ZFHX3: variants seen among roughly 807,000 people sequenced by gnomAD.
ZFHX3 encodes the protein zinc finger homeobox protein 3.
A neutral mutation model predicts 279.1 loss-of-function variants in ZFHX3; 42 were observed. That is an observed-to-expected ratio of 0.15 (90% CI 0.12 to 0.19). ZFHX3 has a LOEUF of 0.19. ZFHX3 is among the 10% of genes least tolerant of loss of function. The pLI, the probability that ZFHX3 is intolerant of heterozygous loss-of-function variation, is 1.00. For synonymous variants in ZFHX3, 2,293 were observed against 1,957.8 expected (o/e 1.17, Z -4.52); for missense variants, 4,981 against 4,754.0 (o/e 1.05, Z -1.40).
intron 5 of ZFHX3, among the ~76,000 whole-genome samples, chr16:73,186,657 G>A (rs950722877): frequency 6.6e-6 from 1 of 151,448 alleles, no homozygotes; most frequent in African/African-American, 2.4e-5. Flanking sequence ...TTTTAATGGG[G>A]GTCGCATTTC....
At chr16:72,884,377 C>G (rs951741924) in intron 4 of ZFHX3, among the ~76,000 whole-genome samples, 1 of 152,182 alleles carries the variant, frequency 6.6e-6, no homozygotes, top group South Asian at 2.1e-4. Flanking sequence ...TCTGAATGAT[C>G]GTGCACCCTC....
intron 5 of ZFHX3, among the ~76,000 whole-genome samples, chr16:73,168,211 T>TTTTCTTTGTTTC (rs1555502324): frequency 1.1e-5 from 1 of 95,222 alleles, no homozygotes; most frequent in Admixed American, 1.2e-4. Flanking sequence ...GTTTCTTTTG[T>TTTTCTTTGTTTC]TTTCTTTCTT....
chr16:72,915,151 C>T (rs1010736903), intron 3 of ZFHX3, among the ~76,000 whole-genome samples: 4 of 152,200 alleles, frequency 2.6e-5, no homozygotes. Flanking sequence ...TACCTGCACA[C>T]CCGCCCCACA....
chr16:73,147,002 C>T (rs1271131770), intron 5 of ZFHX3, among the ~76,000 whole-genome samples: 4 of 152,160 alleles, frequency 2.6e-5, no homozygotes, highest in Non-Finnish European at 4.4e-5. Context: ...AGTAGTAAAA[C>T]ATCCTAGGGA....
chr16:73,509,816 C>T (rs1279950154), intron 2 of ZFHX3, among the ~76,000 whole-genome samples: 2 of 151,906 alleles, frequency 1.3e-5, no homozygotes, highest in Non-Finnish European at 2.9e-5. Context: ...CTGCCTCAGC[C>T]TCCCGAGTAG....
At chr16:73,509,301 C>T (rs2019381337) in intron 2 of ZFHX3, among the ~76,000 whole-genome samples, 1 of 152,146 alleles carries the variant, frequency 6.6e-6, no homozygotes. Flanking sequence ...CTACCATGTA[C>T]CCGGTTCTCA....
At chr16:73,862,012 C>A (rs1961893246) in intron 1 of ZFHX3, among the ~76,000 whole-genome samples, 1 of 152,184 alleles carries the variant, frequency 6.6e-6, no homozygotes, top group Admixed American at 6.5e-5. Flanking sequence ...AACTACCCAC[C>A]TTCCCAAGGA....
intron 1 of ZFHX3, among the ~76,000 whole-genome samples, chr16:73,041,941 G>T (rs1265724156): frequency 6.6e-6 from 1 of 152,188 alleles, no homozygotes; most frequent in Non-Finnish European, 1.5e-5. Flanking sequence ...AGAAAAAAGA[G>T]AAGTTGGGAG....
intron 5 of ZFHX3, among the ~76,000 whole-genome samples, chr16:73,238,763 C>G (rs1418801197): frequency 6.6e-6 from 1 of 152,126 alleles, no homozygotes; most frequent in African/African-American, 2.4e-5. Flanking sequence ...TCGTCCATTG[C>G]CCATGCTCTG....
At chr16:73,847,032 TG>T (rs1961467164) in intron 1 of ZFHX3, among the ~76,000 whole-genome samples, 1 of 152,194 alleles carries the variant, frequency 6.6e-6, no homozygotes, top group South Asian at 2.1e-4. Context: ...CCAGGCACAG[TG>T]GCTCACGCCT....
intron 7 of ZFHX3, among the ~76,000 whole-genome samples, chr16:73,116,993 G>A (rs994317196): frequency 3.9e-5 from 6 of 152,174 alleles, no homozygotes; most frequent in African/African-American, 1.4e-4. Context: ...AGGGCATGAA[G>A]AAATAAGAAT....
chr16:72,909,479 G>A (rs778404011), intron 3 of ZFHX3, among the ~76,000 whole-genome samples: 25 of 152,048 alleles, frequency 1.6e-4, no homozygotes, highest in Non-Finnish European at 2.9e-4. Flanking sequence ...GAAAAATCAC[G>A]CGCCTGCTCT....
intron 2 of ZFHX3, among the ~76,000 whole-genome samples, chr16:73,600,676 T>A (rs906212814): frequency 6.6e-6 from 1 of 152,152 alleles, no homozygotes; most frequent in South Asian, 2.1e-4. Flanking sequence ...CGCCTCGGCC[T>A]CCCAAAGTGC....
chr16:72,787,733 C>CACT lies in ZFHX3; in HGVS notation c.10542_10543insAGT (p.Gly3514_Gly3515insSer), dbSNP rs1555515375. ...CCGCCGCCGCCACCGCCGCCGCCGC[C>CACT]GCCACTGCCACCGCCGCCGCCGCCG... On this transcript the variant is annotated inframe_insertion, in exon 10 of 10. Coordinates refer to ENST00000268489, the MANE Select transcript of ZFHX3 (RefSeq NM_006885.4). The CACT allele has an allele frequency of 3.4e-4, 480 of 1,398,168 alleles. 9 individuals are homozygous for CACT. In the East Asian group the frequency reaches 9.9e-3, roughly 29 times the overall value. The allele number at this position is 1,398,168 out of a possible 1,614,324, so 86.6% of individuals were successfully genotyped here.
intron 1 of ZFHX3, among the ~76,000 whole-genome samples, chr16:73,761,241 CA>C (rs201805512): frequency 2.5e-4 from 37 of 149,576 alleles, no homozygotes; most frequent in Middle Eastern, 3.4e-3. Flanking sequence ...ATAATTGCTA[CA>C]AAAAAAAATA....
intron 2 of ZFHX3, among the ~76,000 whole-genome samples, chr16:73,631,969 G>C (rs1374112388): frequency 1.4e-5 from 2 of 140,258 alleles, no homozygotes; most frequent in Non-Finnish European, 3.1e-5. Flanking sequence ...ACAAAGTTTT[G>C]CATCTCTAAT....
intron 3 of ZFHX3, among the ~76,000 whole-genome samples, chr16:72,940,166 C>G (rs1435053455): frequency 6.6e-6 from 1 of 152,136 alleles, no homozygotes; most frequent in Non-Finnish European, 1.5e-5. Context: ...CCTGCCTCAG[C>G]CTCCCTGTGT....
chr16:73,236,923 C>T (rs2012967844), intron 5 of ZFHX3, among the ~76,000 whole-genome samples: 1 of 152,324 alleles, frequency 6.6e-6, no homozygotes, highest in South Asian at 2.1e-4. Context: ...GGCACTTCAG[C>T]AAATGGTGAA....
intron 5 of ZFHX3, among the ~76,000 whole-genome samples, chr16:72,816,508 T>C (rs1284865339): frequency 6.6e-6 from 1 of 152,214 alleles, no homozygotes; most frequent in African/African-American, 2.4e-5. Flanking sequence ...ACGTGAGCTA[T>C]GGATTCCATG....
Sources: gnomAD v4.1 joint callset for allele counts (sites outside exome capture counted in the v4.1 genomes callset) on GRCh38, gnomAD v4.1.1 for gene constraint, MANE v1.5 for transcripts, NCBI Gene and HGNC (gene_info 2026-07-23, HGNC 2026-07-21) for gene names.